Variants in HSPA4 observed in about 807,000 individuals in gnomAD.
HSPA4 encodes the protein heat shock protein family A (Hsp70) member 4, also known as heat shock 70 kDa protein 4.
A neutral mutation model predicts 106.2 loss-of-function variants in HSPA4; 25 were observed. The observed-to-expected ratio is 0.24, with a 90% CI of 0.17 to 0.33. The LOEUF (loss-of-function observed/expected upper bound fraction) is 0.33, where lower values mean the gene tolerates loss of function less well. Among genes scored for constraint, HSPA4 ranks in the 10% least tolerant of loss-of-function variants. The probability of loss-of-function intolerance (pLI) is 1.00; values close to 1 mark genes in which losing one functional copy is unlikely to be tolerated. For missense variants in HSPA4, 841 were observed against 996.0 expected (o/e 0.84, Z 2.10); for synonymous variants, 332 against 333.6 (o/e 1.00, Z 0.05).
At chr5:133,067,610 C>T in intron 3 of HSPA4, 53 bp downstream of exon 3, 2 of 1,409,568 alleles carry the variant, frequency 1.4e-6, no homozygotes, top group African/African-American at 1.4e-5. Context: ...TATATTTTAT[C>T]AGTTCAATAT....
At chr5:133,087,692 C>T (rs1016540328) in intron 8 of HSPA4, among the ~76,000 whole-genome samples, 3 of 152,210 alleles carry the variant, frequency 2.0e-5, no homozygotes, top group African/African-American at 7.2e-5. Context: ...GGTTCAATCT[C>T]AGCTCACTGC....
At chr5:133,064,364 G>A (rs949971916) in intron 1 of HSPA4, among the ~76,000 whole-genome samples, 4 of 152,134 alleles carry the variant, frequency 2.6e-5, no homozygotes, top group African/African-American at 9.7e-5. Context: ...AAATTAGCTG[G>A]GCGTGATGGT....
intron 17 of HSPA4, among the ~76,000 whole-genome samples, chr5:133,103,364 C>T (rs1765813612): frequency 6.6e-6 from 1 of 151,222 alleles, no homozygotes; most frequent in South Asian, 2.1e-4. Context: ...GCCCGAAAGG[C>T]CTTCTTCTTC....
At chr5:133,057,837 TAGA>T (rs556129515) in intron 1 of HSPA4, among the ~76,000 whole-genome samples, 107 of 152,342 alleles carry the variant, frequency 7.0e-4, no homozygotes, top group Non-Finnish European at 1.2e-3. Flanking sequence ...GTGTGTAGTA[TAGA>T]AGAAGTGTAA....
chr5:133,064,919 A>G lies in HSPA4; in HGVS notation c.108-61A>G, dbSNP rs1038706174. 2.3e-5 allele frequency: 32 copies of G among 1,391,860 alleles called. No homozygotes were observed. The African/African-American group carries it at 2.9e-4, about 12-fold the overall frequency. The allele number at this position is 1,391,860 out of a possible 1,614,324, so 86.2% of individuals were successfully genotyped here. A position where few individuals can be genotyped will look rare whatever the true frequency, so the allele number is the denominator to read the frequency against. ...AGCTGATACTCAGATCTTGCCTGCT[A>G]TGCTTTTGGATTTATTATTGTAGTA... On this transcript the variant is annotated intron_variant, in intron 1 of 18. Transcript: ENST00000304858.
At chr5:133,086,697 GT>G in intron 7 of HSPA4, 84 bp from the exon 8 acceptor site, 1 of 934,666 alleles carries the variant, frequency 1.1e-6, no homozygotes, top group Non-Finnish European at 1.7e-6. Flanking sequence ...GTTGTTACCT[GT>G]TTTTTATTAT....
chr5:133,072,479 AG>A (rs1027504016), intron 4 of HSPA4, among the ~76,000 whole-genome samples: 2 of 138,858 alleles, frequency 1.4e-5, no homozygotes, highest in Admixed American at 1.6e-4. Flanking sequence ...GGCTCACTGC[AG>A]CTTCCACCTC....
intron 1 of HSPA4, among the ~76,000 whole-genome samples, chr5:133,058,490 C>T (rs1009875822): frequency 2.6e-5 from 4 of 152,078 alleles, no homozygotes; most frequent in African/African-American, 9.7e-5. Flanking sequence ...CCAGCCTGGC[C>T]AACCCGGTGA....
intron 1 of HSPA4, 59 bp downstream of exon 1, chr5:133,052,416 T>G: frequency 8.7e-7 from 1 of 1,144,242 alleles, no homozygotes. Context: ...CTTGTTCCAG[T>G]CTGGGACCCT....
intron 1 of HSPA4, 94 bp downstream of exon 1, chr5:133,052,451 G>A (rs546164908): frequency 2.3e-6 from 2 of 875,042 alleles, no homozygotes; most frequent in African/African-American, 1.7e-5. Flanking sequence ...CGCGGGCCGA[G>A]GAGTCGCCTC....
At chr5:133,100,582 G>A (rs1418452240) in intron 16 of HSPA4, among the ~76,000 whole-genome samples, 7 of 151,998 alleles carry the variant, frequency 4.6e-5, no homozygotes, top group Non-Finnish European at 8.8e-5. Flanking sequence ...GGCGGATCAC[G>A]AGGTCGGAGA....
In HSPA4 at chr5:133,106,058, A is replaced by T. The variant is rs1276067032; in HGVS notation, c.*1622A>T. ...TGCAGGATTAAGCCAACCCTTTACA[A>T]CTGGCCCAGACCGTAATGGCCATTT... On this transcript the variant is annotated 3_prime_UTR_variant, in exon 19 of 19. Coordinates refer to ENST00000304858, the MANE Select transcript of HSPA4 (RefSeq NM_002154.4). 2 of 146,240 alleles carry T rather than the reference A, an allele frequency of 1.4e-5. No homozygotes were observed. The highest frequency in any genetic ancestry group is 3.0e-5 in the Non-Finnish European group (2 of 66,870). The allele number at this position is 146,240 out of a possible 1,614,324, so 9.1% of individuals were successfully genotyped here. A position where few individuals can be genotyped will look rare whatever the true frequency, so the allele number is the denominator to read the frequency against.
chr5:133,057,673 A>T (rs1765185204), intron 1 of HSPA4, among the ~76,000 whole-genome samples: 1 of 152,248 alleles, frequency 6.6e-6, no homozygotes, highest in South Asian at 2.1e-4. Flanking sequence ...GGCTGAAAAA[A>T]GAAGTAATTT....
At position 133,100,399 on chromosome 5, in the gene HSPA4, G is replaced by A. The variant is rs948246035; in HGVS notation, c.2037+747G>A. 4.0e-5 allele frequency among the ~76,000 whole-genome samples: 6 copies of A among 148,224 alleles called. No individual in the cohort carries two copies. The South Asian group carries it at 1.3e-3, about 32-fold the overall frequency. On this transcript the variant is annotated intron_variant, in intron 16 of 18. Transcript: ENST00000304858. ...ATCTGGTTTTGTATTTAAAGCATCT[G>A]ATCTTTTTTTTTTTTGAGACGGAGC...
At position 133,067,571 on chromosome 5, in the gene HSPA4, G is replaced by T. The variant is rs768021348; in HGVS notation, c.306+14G>T. ...ACAGGTATAAAGGTAAGGTTGTCAGGTTAATGCCTTTTAATTAAAATGCAT... is the reference window on the plus strand; with the variant it reads ...ACAGGTATAAAGGTAAGGTTGTCAGTTTAATGCCTTTTAATTAAAATGCAT... On this transcript the variant is annotated intron_variant, in intron 3 of 18. Coordinates refer to ENST00000304858, the MANE Select transcript of HSPA4 (RefSeq NM_002154.4). The T allele has an allele frequency of 6.3e-7, 1 of 1,591,276 alleles. No homozygotes were observed. The highest frequency in any genetic ancestry group is 1.8e-5 in the Admixed American group (1 of 56,800).
intron 6 of HSPA4, 64 bp downstream of exon 6, chr5:133,074,190 C>T (rs1765419535): frequency 8.8e-7 from 1 of 1,131,748 alleles, no homozygotes; most frequent in East Asian, 2.6e-5. Context: ...TTTTGAGAGA[C>T]AATGATTTTT....
chr5:133,086,491 A>AT (rs779212759), intron 7 of HSPA4, among the ~76,000 whole-genome samples: 4 of 152,188 alleles, frequency 2.6e-5, no homozygotes, highest in Non-Finnish European at 5.9e-5. Flanking sequence ...GAACGTTGAT[A>AT]TACCAGTTTT....
At chr5:133,078,522 C>T (rs1244250041) in intron 7 of HSPA4, among the ~76,000 whole-genome samples, 1 of 150,094 alleles carries the variant, frequency 6.7e-6, no homozygotes, top group East Asian at 2.0e-4. Context: ...GTAATCCCAG[C>T]TACTTGGGAG....
At chr5:133,072,757 A>C (rs1765400813) in intron 4 of HSPA4, among the ~76,000 whole-genome samples, 1 of 152,102 alleles carries the variant, frequency 6.6e-6, no homozygotes, top group Admixed American at 6.6e-5. Context: ...TATACCTAGC[A>C]TGAACCAAAA....
Sources: gnomAD v4.1 joint callset for allele counts (sites outside exome capture counted in the v4.1 genomes callset) on GRCh38, gnomAD v4.1.1 for gene constraint, MANE v1.5 for transcripts, NCBI Gene and HGNC (gene_info 2026-07-23, HGNC 2026-07-21) for gene names.